Variants in ROBO2 observed in about 807,000 individuals in gnomAD.
The protein encoded by ROBO2 is roundabout homolog 2.
ROBO2 carries 53 observed loss-of-function variants against 160.8 expected under a neutral mutation model. The ratio of observed to expected loss-of-function variants is 0.33; its 90% CI spans 0.26 to 0.41. The LOEUF is 0.41. Among genes scored for constraint, ROBO2 ranks in the 10% least tolerant of loss-of-function variants. The probability of loss-of-function intolerance (pLI) is 1.00; values close to 1 mark genes in which losing one functional copy is unlikely to be tolerated. For synonymous variants in ROBO2, 664 were observed against 611.7 expected (o/e 1.09, Z -1.26); for missense variants, 1,577 against 1,722.4 (o/e 0.92, Z 1.49).
At chr3:77,467,081 G>A (rs1013527387) in intron 2 of ROBO2, among the ~76,000 whole-genome samples, 7 of 152,066 alleles carry the variant, frequency 4.6e-5, no homozygotes, top group South Asian at 2.1e-4. Flanking sequence ...GGAGAGAGGC[G>A]ATCTGTTGGG....
At chr3:77,580,183 T>A (rs2093878042) in intron 16 of ROBO2, 65 bp downstream of exon 17, 2 of 1,434,282 alleles carry the variant, frequency 1.4e-6, no homozygotes, top group African/African-American at 2.8e-5. Flanking sequence ...ATGATGATTT[T>A]GCATCAACCT....
intron 2 of ROBO2, among the ~76,000 whole-genome samples, chr3:77,187,198 A>G (rs2081364707): frequency 6.6e-6 from 1 of 152,050 alleles, no homozygotes; most frequent in Admixed American, 6.6e-5. Context: ...AGGTTAGAAG[A>G]ATATGAAATT....
chr3:76,719,144 C>T (rs148110662), intron 2 of ROBO2, among the ~76,000 whole-genome samples: 13 of 152,150 alleles, frequency 8.5e-5, no homozygotes, highest in Admixed American at 7.2e-4. Flanking sequence ...ATATTGGTTG[C>T]TAAGGTTTTG....
intron 2 of ROBO2, among the ~76,000 whole-genome samples, chr3:77,397,703 T>A (rs1274808097): frequency 2.0e-5 from 3 of 152,172 alleles, no homozygotes; most frequent in African/African-American, 7.2e-5. Context: ...ATTCATAAAA[T>A]GTTCATTGCA....
intron 2 of ROBO2, among the ~76,000 whole-genome samples, chr3:76,336,776 A>G (rs562116755): frequency 2.7e-5 from 4 of 149,672 alleles, no homozygotes; most frequent in Non-Finnish European, 6.0e-5. Flanking sequence ...TTATCCATCT[A>G]TAAATATATC....
intron 2 of ROBO2, among the ~76,000 whole-genome samples, chr3:76,370,322 T>C (rs1244293920): frequency 6.6e-6 from 1 of 151,946 alleles, no homozygotes; most frequent in Non-Finnish European, 1.5e-5. Flanking sequence ...AATATGCAGA[T>C]GGGAATTGGT....
At chr3:76,055,665 C>T (rs776813920) in intron 2 of ROBO2, among the ~76,000 whole-genome samples, 11 of 152,124 alleles carry the variant, frequency 7.2e-5, no homozygotes, top group Non-Finnish European at 1.3e-4. Context: ...CTGCAAAGGG[C>T]ATGATTTTAT....
intron 16 of ROBO2, among the ~76,000 whole-genome samples, chr3:77,585,994 A>T (rs2153681632): frequency 6.6e-6 from 1 of 152,212 alleles, no homozygotes; most frequent in South Asian, 2.1e-4. Context: ...ACTATGCCAG[A>T]CCATGTATTG....
At chr3:76,383,221 A>G (rs992180838) in intron 2 of ROBO2, among the ~76,000 whole-genome samples, 8 of 152,200 alleles carry the variant, frequency 5.3e-5, no homozygotes, top group Non-Finnish European at 1.5e-5. Context: ...CATTCCTTCT[A>G]GTATTCAACG....
chr3:77,040,977 C>T (rs902960009), intron 1 of ROBO2, 131 bp downstream of exon 1: 12 of 1,205,140 alleles, frequency 1.0e-5, no homozygotes, highest in South Asian at 7.7e-5. Context: ...TGGCCCGGCA[C>T]GGGCTCCTTG....
At position 77,634,899 on chromosome 3, in the gene ROBO2, C is replaced by G. The variant is rs759273122; in HGVS notation, c.3790C>G (p.Arg1264Gly). ...AGCCTTTACCTCCTCTCAAAGACCT[C>G]GACCTACCAGCCCATTTTCTACTGA... Residue 1264 changes from arginine to glycine, a missense_variant, in exon 24 of 26, where the codon CGA becomes GGA. Coordinates refer to ENST00000461745, the Ensembl canonical transcript of ROBO2. The G allele has an allele frequency of 4.3e-6, 7 of 1,614,100 alleles. No homozygotes were observed. In the East Asian group the frequency reaches 1.3e-4, roughly 31 times the overall value.
chr3:77,513,289 G>A (rs953828994), intron 5 of ROBO2, among the ~76,000 whole-genome samples: 4 of 151,774 alleles, frequency 2.6e-5, no homozygotes, highest in African/African-American at 7.2e-5. Context: ...ATCATGAGAA[G>A]TTCCTACCCT....
At chr3:76,241,935 G>C (rs1469186886) in intron 2 of ROBO2, among the ~76,000 whole-genome samples, 1 of 152,130 alleles carries the variant, frequency 6.6e-6, no homozygotes, top group African/African-American at 2.4e-5. Context: ...AGTGAGAAGA[G>C]ATTAGAATCC....
At chr3:77,599,509 AG>A (rs1182283411) in intron 19 of ROBO2, among the ~76,000 whole-genome samples, 9 of 34,384 alleles carry the variant, frequency 2.6e-4, no homozygotes, top group Non-Finnish European at 4.3e-4. Flanking sequence ...GGGTGGGGGG[AG>A]GGGGGAGGGA....
intron 2 of ROBO2, among the ~76,000 whole-genome samples, chr3:76,235,390 G>A (rs1436783898): frequency 2.0e-5 from 3 of 152,280 alleles, no homozygotes; most frequent in African/African-American, 4.8e-5. Context: ...ACCAAAGAAA[G>A]CTAGAAAAGG....
intron 2 of ROBO2, among the ~76,000 whole-genome samples, chr3:76,488,524 G>A (rs773761818): frequency 3.9e-5 from 6 of 152,064 alleles, no homozygotes; most frequent in Non-Finnish European, 5.9e-5. Flanking sequence ...AGCCAGGAGG[G>A]GTACATCGCT....
chr3:77,544,797 C>G (rs1462615528), intron 6 of ROBO2, among the ~76,000 whole-genome samples: 1 of 151,980 alleles, frequency 6.6e-6, no homozygotes, highest in African/African-American at 2.4e-5. Context: ...AGTTTTCTAG[C>G]CTAAGAAGCG....
At chr3:77,585,622 T>TAC (rs953309182) in intron 16 of ROBO2, among the ~76,000 whole-genome samples, 16 of 151,556 alleles carry the variant, frequency 1.1e-4, no homozygotes, top group African/African-American at 2.2e-4. Flanking sequence ...ATTTTTTGTG[T>TAC]ACACACACAC....
At chr3:77,064,628 T>A (rs2066661827) in intron 1 of ROBO2, among the ~76,000 whole-genome samples, 1 of 152,214 alleles carries the variant, frequency 6.6e-6, no homozygotes, top group South Asian at 2.1e-4. Flanking sequence ...CCCAAAGTGC[T>A]GGCATTAAGG....
Sources: gnomAD v4.1 joint callset for allele counts (sites outside exome capture counted in the v4.1 genomes callset) on GRCh38, gnomAD v4.1.1 for gene constraint, MANE v1.5 for transcripts, NCBI Gene and HGNC (gene_info 2026-07-23, HGNC 2026-07-21) for gene names.